ADK: variants seen among roughly 807,000 people sequenced by gnomAD.
ADK encodes N6,N6-dimethyladenosine kinase.
Under a neutral mutation model 44.7 loss-of-function variants are expected in ADK, and 24 were observed. The ratio of observed to expected loss-of-function variants is 0.54; its 90% CI spans 0.39 to 0.76. The LOEUF is 0.76. Ranked by LOEUF, ADK falls within the 30% of genes least tolerant of loss-of-function variation. The pLI is 0.00. For missense variants in ADK, 321 were observed against 425.1 expected, an observed-to-expected ratio of 0.76 and a Z score of 2.15; for synonymous variants, 128 against 142.6, an observed-to-expected ratio of 0.90 and a Z score of 0.73.
At chr10:74,579,378 C>T (rs920914206) in intron 7 of ADK, among the ~76,000 whole-genome samples, 11 of 151,832 alleles carry the variant, frequency 7.2e-5, no homozygotes, top group Admixed American at 3.3e-4. Flanking sequence ...GATCCTTTAG[C>T]ATGTAATACT....
At chr10:74,164,812 T>C (rs975347448) in intron 1 of ADK, among the ~76,000 whole-genome samples, 3 of 152,178 alleles carry the variant, frequency 2.0e-5, no homozygotes, top group African/African-American at 7.2e-5. Flanking sequence ...TCAGAGACCT[T>C]TGACCTCAGT....
chr10:74,278,785 G>A lies in ADK; in HGVS notation c.195-35882G>A, dbSNP rs536678740. On this transcript the variant is annotated intron_variant, in intron 3 of 10. Coordinates refer to ENST00000539909, the MANE Select transcript of ADK (RefSeq NM_006721.4). ...ACTTGTGGCCTCAAGCGATCTTCCC[G>A]TCTTAGCCTCCTGAGTAGCTGGGAC... 7.9e-5 allele frequency among the ~76,000 whole-genome samples: 12 copies of A among 152,256 alleles called. No homozygotes were observed. In the East Asian group the frequency reaches 2.1e-3, roughly 27 times the overall value.
At chr10:74,338,946 C>G (rs1446917252) in intron 4 of ADK, among the ~76,000 whole-genome samples, 1 of 151,880 alleles carries the variant, frequency 6.6e-6, no homozygotes, top group Non-Finnish European at 1.5e-5. Context: ...CTTTGGGGAG[C>G]TTTTTTTAAA....
chr10:74,392,031 C>T (rs1843353894), intron 4 of ADK, among the ~76,000 whole-genome samples: 1 of 151,976 alleles, frequency 6.6e-6, no homozygotes, highest in Non-Finnish European at 1.5e-5. Flanking sequence ...GACAGGATTT[C>T]CTTCTTTTGT....
intron 6 of ADK, among the ~76,000 whole-genome samples, chr10:74,480,075 CTAT>C (rs1847008749): frequency 6.6e-6 from 1 of 151,768 alleles, no homozygotes; most frequent in Non-Finnish European, 1.5e-5. Flanking sequence ...TCTTTTTTTT[CTAT>C]TACTTTATAC....
At chr10:74,398,156 G>A (rs1377531493) in intron 5 of ADK, among the ~76,000 whole-genome samples, 1 of 151,852 alleles carries the variant, frequency 6.6e-6, no homozygotes, top group Non-Finnish European at 1.5e-5. Flanking sequence ...TAATGAGTTA[G>A]CCTTATTTCT....
intron 2 of ADK, among the ~76,000 whole-genome samples, chr10:74,217,677 C>A (rs1184760731): frequency 6.6e-6 from 1 of 152,160 alleles, no homozygotes; most frequent in Non-Finnish European, 1.5e-5. Flanking sequence ...GACAAAACTT[C>A]CAGAGGAACG....
intron 2 of ADK, among the ~76,000 whole-genome samples, chr10:74,205,481 G>A (rs1591850611): frequency 6.6e-6 from 1 of 151,980 alleles, no homozygotes; most frequent in East Asian, 1.9e-4. Context: ...TTTGAGACCA[G>A]CCTGGCCAAT....
intron 7 of ADK, among the ~76,000 whole-genome samples, chr10:74,527,250 A>G (rs1249541086): frequency 1.3e-5 from 2 of 152,002 alleles, no homozygotes; most frequent in Admixed American, 1.3e-4. Context: ...AGTCCCAGCT[A>G]CTCGGGAGGC....
chr10:74,588,314 T>A (rs1851596889), intron 7 of ADK, among the ~76,000 whole-genome samples: 1 of 152,174 alleles, frequency 6.6e-6, no homozygotes, highest in Admixed American at 6.5e-5. Context: ...TCTCCCCTTG[T>A]CCCAAAAATG....
chr10:74,299,731 A>G (rs1335900266), intron 3 of ADK, among the ~76,000 whole-genome samples: 1 of 151,702 alleles, frequency 6.6e-6, no homozygotes, highest in East Asian at 1.9e-4. Flanking sequence ...ATTAGCAGCT[A>G]TTTTGTAGAC....
At chr10:74,350,093 C>A (rs1334607484) in intron 4 of ADK, among the ~76,000 whole-genome samples, 1 of 152,092 alleles carries the variant, frequency 6.6e-6, no homozygotes. Flanking sequence ...AACTGTCTAC[C>A]CCAAATCAAC....
At chr10:74,381,788 T>C (rs766309743) in intron 4 of ADK, among the ~76,000 whole-genome samples, 10 of 152,222 alleles carry the variant, frequency 6.6e-5, no homozygotes, top group Non-Finnish European at 1.3e-4. Context: ...AGGGGTAATT[T>C]AATAGAGGCT....
intron 6 of ADK, among the ~76,000 whole-genome samples, chr10:74,435,488 T>G (rs1038079996): frequency 2.0e-5 from 3 of 151,996 alleles, no homozygotes; most frequent in Non-Finnish European, 4.4e-5. Flanking sequence ...CTATTATGTC[T>G]GAAAATAAAG....
chr10:74,264,545 G>A (rs537609190), intron 3 of ADK, among the ~76,000 whole-genome samples: 166 of 151,740 alleles, frequency 1.1e-3, no homozygotes, highest in African/African-American at 3.9e-3. Flanking sequence ...CAAATTCTTT[G>A]ATTATATTTG....
chr10:74,375,947 T>G (rs1842808121), intron 4 of ADK, among the ~76,000 whole-genome samples: 1 of 152,108 alleles, frequency 6.6e-6, no homozygotes, highest in African/African-American at 2.4e-5. Context: ...TTGGTTAAAG[T>G]GTGACAGGAA....
intron 4 of ADK, among the ~76,000 whole-genome samples, chr10:74,371,248 A>G (rs1842648622): frequency 6.6e-6 from 1 of 152,184 alleles, no homozygotes. Context: ...TTAGGGTGAG[A>G]AAATGTTCTA....
At chr10:74,346,936 CTG>C (rs1841786261) in intron 4 of ADK, among the ~76,000 whole-genome samples, 1 of 151,752 alleles carries the variant, frequency 6.6e-6, no homozygotes, top group South Asian at 2.1e-4. Context: ...CGGTGAAACC[CTG>C]TCTCTACTAA....
chr10:74,663,592 G>C (rs1298277160), intron 9 of ADK, among the ~76,000 whole-genome samples: 2 of 152,200 alleles, frequency 1.3e-5, no homozygotes, highest in South Asian at 4.1e-4. Context: ...ATTAAGATGT[G>C]CTGTAGGATT....
Sources: gnomAD v4.1 joint callset for allele counts (sites outside exome capture counted in the v4.1 genomes callset) on GRCh38, gnomAD v4.1.1 for gene constraint, MANE v1.5 for transcripts, NCBI Gene and HGNC (gene_info 2026-07-23, HGNC 2026-07-21) for gene names.